The following TBL1X variants were observed in gnomAD, a reference collection of about 807,000 sequenced individuals.
TBL1X encodes the protein F-box-like/WD repeat-containing protein TBL1X.
A neutral mutation model predicts 50.7 loss-of-function variants in TBL1X; 10 were observed. That is an observed-to-expected ratio of 0.20 (90% CI 0.12 to 0.33). The LOEUF is 0.33. Among genes scored for constraint, TBL1X ranks in the 10% least tolerant of loss-of-function variants. TBL1X has a pLI of 1.00. For missense variants in TBL1X, 340 were observed against 504.4 expected, an observed-to-expected ratio of 0.67 and a Z score of 3.12; for synonymous variants, 190 against 214.7, an observed-to-expected ratio of 0.88 and a Z score of 1.01.
intron 1 of TBL1X, among the ~76,000 whole-genome samples, chrX:9,478,412 A>G (rs2081860825): frequency 9.0e-6 from 1 of 111,382 alleles, no homozygotes; most frequent in Non-Finnish European, 1.9e-5. Context: ...TAGTTTTGAA[A>G]CCGCCTTTGC....
At chrX:9,584,231 TA>T (rs773795768) in intron 2 of TBL1X, among the ~76,000 whole-genome samples, 6 of 112,279 alleles carry the variant, frequency 5.3e-5, no homozygotes, top group Admixed American at 1.9e-4. Flanking sequence ...GGACATAGTG[TA>T]AATATATGCA....
chrX:9,687,490 A>G (rs745579566), intron 6 of TBL1X, among the ~76,000 whole-genome samples: 2 of 110,873 alleles, frequency 1.8e-5, no homozygotes, highest in South Asian at 7.9e-4. Context: ...GGTCTTCTCC[A>G]CCGCAGCACT....
intron 2 of TBL1X, among the ~76,000 whole-genome samples, chrX:9,516,270 T>C (rs2082080411): frequency 1.8e-5 from 2 of 111,795 alleles, no homozygotes; most frequent in Admixed American, 9.5e-5. Context: ...GTGTCATCTC[T>C]TTTGTATTTT....
intron 3 of TBL1X, among the ~76,000 whole-genome samples, chrX:9,648,213 C>T (rs1264209982): frequency 9.0e-6 from 1 of 110,790 alleles, no homozygotes; most frequent in African/African-American, 3.3e-5. Flanking sequence ...TGGGGACTCT[C>T]ACCCTGATTT....
At chrX:9,705,398 G>C (rs191076011) in intron 13 of TBL1X, among the ~76,000 whole-genome samples, 117 of 111,511 alleles carry the variant, frequency 1.0e-3, no homozygotes, top group African/African-American at 3.7e-3. Flanking sequence ...ATCAAGGAAA[G>C]GATGCTCACA....
intron 2 of TBL1X, among the ~76,000 whole-genome samples, chrX:9,600,499 A>G (rs1969109005): frequency 1.9e-5 from 2 of 104,038 alleles, no homozygotes; most frequent in African/African-American, 7.3e-5. Flanking sequence ...TGTCCGGACC[A>G]TAGAATAGGA....
intron 2 of TBL1X, among the ~76,000 whole-genome samples, chrX:9,552,556 CAG>C (rs1421969207): frequency 1.8e-5 from 2 of 111,322 alleles, no homozygotes; most frequent in Admixed American, 1.9e-4. Context: ...CTTGTGAGTA[CAG>C]AGTCCTAAAA....
At chrX:9,509,732 C>T (rs1444927137) in intron 2 of TBL1X, among the ~76,000 whole-genome samples, 2 of 110,190 alleles carry the variant, frequency 1.8e-5, no homozygotes, top group Admixed American at 9.7e-5. Context: ...GCGATCAGCC[C>T]ACCTCGGCCT....
intron 2 of TBL1X, among the ~76,000 whole-genome samples, chrX:9,531,358 T>G (rs933133627): frequency 2.4e-4 from 18 of 74,666 alleles, no homozygotes; most frequent in African/African-American, 7.6e-4. Context: ...CTGGAGGGTG[T>G]GTGTGTGTGT....
rs180876089 is a variant in TBL1X, at chrX:9,672,302, G to A, written c.212-11741G>A. ...TGCCTGTCTTCCGAGTTTATTCACC[G>A]TTACATTCAAGACTTGCCTGCTCTG... On this transcript the variant is annotated intron_variant, in intron 5 of 17. Coordinates refer to ENST00000645353, the MANE Select transcript of TBL1X (RefSeq NM_005647.4). Among the ~76,000 whole-genome samples the A allele has an allele frequency of 2.0e-4, 22 of 112,036 alleles. No individual in the cohort carries two copies. The East Asian group carries it at 3.1e-3, about 16-fold the overall frequency.
chrX:9,469,452 C>T (rs766417085), intron 1 of TBL1X, among the ~76,000 whole-genome samples: 54 of 112,376 alleles, frequency 4.8e-4, no homozygotes, highest in Non-Finnish European at 8.6e-4. Flanking sequence ...CATGAGCCAT[C>T]GCGCCCGGCT....
chrX:9,489,734 C>T (rs183666505), intron 1 of TBL1X, among the ~76,000 whole-genome samples: 29 of 111,668 alleles, frequency 2.6e-4, no homozygotes, highest in African/African-American at 6.5e-4. Flanking sequence ...CCAGCCTCCA[C>T]GGGTTGGGGA....
chrX:9,555,340 A>G (rs1414981101), intron 2 of TBL1X, among the ~76,000 whole-genome samples: 1 of 111,300 alleles, frequency 9.0e-6, no homozygotes, highest in African/African-American at 3.3e-5. Context: ...CAGCCTCCCA[A>G]AGCCTTGGGA....
intron 2 of TBL1X, among the ~76,000 whole-genome samples, chrX:9,509,322 T>C (rs761273497): frequency 1.8e-4 from 14 of 79,169 alleles, no homozygotes; most frequent in Admixed American, 8.6e-4. Flanking sequence ...ACCCGGGAGG[T>C]GGAGGTTGCA....
At chrX:9,670,332 A>G (rs1289984729) in intron 5 of TBL1X, among the ~76,000 whole-genome samples, 1 of 110,729 alleles carries the variant, frequency 9.0e-6, no homozygotes, top group Admixed American at 9.6e-5. Context: ...ACAATTCCCT[A>G]TGATTTCATC....
intron 1 of TBL1X, among the ~76,000 whole-genome samples, chrX:9,492,838 G>GGTGTGTGTGTGTGTGTGT (rs774050435): frequency 1.8e-5 from 1 of 56,969 alleles, no homozygotes; most frequent in Non-Finnish European, 3.5e-5. Flanking sequence ...GGGGCTAGAG[G>GGTGTGTGTGTGTGTGTGT]GTGTGTGTGT....
At chrX:9,549,093 G>A (rs1352366342) in intron 2 of TBL1X, among the ~76,000 whole-genome samples, 1 of 112,934 alleles carries the variant, frequency 8.9e-6, no homozygotes, top group East Asian at 2.8e-4. Flanking sequence ...AAAGTGCATT[G>A]CACTAAGGAA....
intron 3 of TBL1X, among the ~76,000 whole-genome samples, chrX:9,647,900 T>G (rs1263373967): frequency 8.9e-6 from 1 of 111,954 alleles, no homozygotes; most frequent in Non-Finnish European, 1.9e-5. Flanking sequence ...GGGGAATTGC[T>G]GGAGGAGCTA....
intron 1 of TBL1X, among the ~76,000 whole-genome samples, chrX:9,492,889 GTGTGTGTGTA>G (rs1317754951): frequency 4.9e-4 from 14 of 28,389 alleles, no homozygotes; most frequent in South Asian, 1.7e-3. Context: ...GTGTGTGTGT[GTGTGTGTGTA>G]GGGGAGGAAG....
Sources: allele counts gnomAD v4.1 joint callset (sites outside exome capture counted in the v4.1 genomes callset), GRCh38; gene constraint gnomAD v4.1.1; transcripts MANE v1.5; gene names NCBI Gene and HGNC (gene_info 2026-07-23, HGNC 2026-07-21).